Variants in CWC27 observed in about 807,000 individuals in gnomAD.
CWC27 encodes CWC27 spliceosome associated cyclophilin.
In CWC27, 47 loss-of-function variants were observed where a neutral mutation model predicts 63.6. The observed-to-expected ratio is 0.74, with a 90% confidence interval of 0.58 to 0.94. The LOEUF (loss-of-function observed/expected upper bound fraction) is 0.94. Ranked by LOEUF, CWC27 falls within the 40% of genes least tolerant of loss-of-function variation. CWC27 has a pLI of 0.00. For missense variants in CWC27, 495 were observed against 554.3 expected (o/e 0.89, Z 1.07); for synonymous variants, 175 against 179.8 (o/e 0.97, Z 0.22).
chr5:64,840,582 C>T (rs1745806514), intron 10 of CWC27, among the ~76,000 whole-genome samples: 2 of 150,932 alleles, frequency 1.3e-5, no homozygotes, highest in African/African-American at 4.9e-5. Flanking sequence ...GTATGTACCA[C>T]ATAAATGCAA....
intron 11 of CWC27, among the ~76,000 whole-genome samples, chr5:64,969,793 A>G (rs906196419): frequency 6.6e-6 from 1 of 152,206 alleles, no homozygotes; most frequent in South Asian, 2.1e-4. Flanking sequence ...CAAAGGAGAG[A>G]CATCTAAACC....
In CWC27 at chr5:64,788,924, T is replaced by C. The variant is rs1341654837; in HGVS notation, c.600-27T>C. 10 of 1,493,586 alleles carry C rather than the reference T, an allele frequency of 6.7e-6. No homozygotes were observed. The South Asian group carries it at 1.1e-4, about 16-fold the overall frequency. The allele number at this position is 1,493,586 out of a possible 1,614,324, so 92.5% of individuals were successfully genotyped here. A position where few individuals can be genotyped will look rare whatever the true frequency, so the allele number is the denominator to read the frequency against. ...TTTGATTTGACTTTCTCTTTCTTTT[T>C]TTTTTTCTTTCTTTTTTTTGGACTA... On this transcript the variant is annotated intron_variant, in intron 6 of 13. Transcript: ENST00000381070.
chr5:64,829,718 C>T (rs184679698), intron 10 of CWC27, among the ~76,000 whole-genome samples: 11 of 144,802 alleles, frequency 7.6e-5, no homozygotes, highest in African/African-American at 2.8e-4. Context: ...TAGGTATACA[C>T]GTGTCATGGT....
At chr5:64,881,740 C>G (rs1746939038) in intron 10 of CWC27, among the ~76,000 whole-genome samples, 1 of 152,134 alleles carries the variant, frequency 6.6e-6, no homozygotes, top group Non-Finnish European at 1.5e-5. Flanking sequence ...TCTACTCCCT[C>G]TACAATAGTA....
intron 10 of CWC27, among the ~76,000 whole-genome samples, chr5:64,831,023 A>G (rs912781023): frequency 6.6e-6 from 1 of 152,010 alleles, no homozygotes; most frequent in African/African-American, 2.4e-5. Context: ...TGTCTATTAT[A>G]TTATGTTATG....
intron 9 of CWC27, among the ~76,000 whole-genome samples, chr5:64,801,545 C>G (rs945544248): frequency 4.0e-5 from 6 of 151,762 alleles, no homozygotes; most frequent in African/African-American, 1.5e-4. Context: ...GTATATCTCT[C>G]TACAACATTA....
chr5:64,971,790 A>T lies in CWC27; in HGVS notation c.1130A>T (p.Lys377Met). The change falls in exon 12 of 14, where the codon AAG (lysine) becomes ATG (methionine). Residue 377 changes from lysine to methionine, a missense_variant. Physicochemically the swap from Lys to Met is moderately conservative, Grantham distance 95. Around this residue, in one of 3 missense-constraint regions of CWC27, gnomAD observed 463 missense variants for 498.1 expected, o/e 0.93. Transcript: ENST00000381070. ...GCTTTGAGGAAGCAACAGTCAAAGA[A>T]GGGAACTTCCCGGGAAGATCAGGTA... ...YEALRKQQSKKGTSREDQTLA... is the reference protein window; with the variant it reads ...YEALRKQQSKMGTSREDQTLA... The T allele has an allele frequency of 6.2e-7, 1 of 1,610,566 alleles. No individual in the cohort carries two copies. Among genetic ancestry groups the T allele is most frequent in the Middle Eastern group, 1.7e-4 (1 of 6,054 alleles).
intron 10 of CWC27, among the ~76,000 whole-genome samples, chr5:64,805,732 T>A (rs1369450358): frequency 6.6e-6 from 1 of 152,092 alleles, no homozygotes; most frequent in African/African-American, 2.4e-5. Flanking sequence ...ATATAAACTA[T>A]AATTTAGCAA....
chr5:65,004,084 A>G (rs1228559249), intron 13 of CWC27, among the ~76,000 whole-genome samples: 5 of 152,068 alleles, frequency 3.3e-5, no homozygotes, highest in African/African-American at 4.8e-5. Flanking sequence ...GTCTCAAGTG[A>G]TCTGCCTGCC....
chr5:64,771,817 T>C (rs1743266270), intron 1 of CWC27, among the ~76,000 whole-genome samples: 1 of 152,210 alleles, frequency 6.6e-6, no homozygotes, highest in South Asian at 2.1e-4. Flanking sequence ...AGGAGCCATA[T>C]ACCTTCTTTA....
intron 10 of CWC27, among the ~76,000 whole-genome samples, chr5:64,862,149 C>T (rs1389095669): frequency 6.6e-6 from 1 of 150,728 alleles, no homozygotes; most frequent in Non-Finnish European, 1.5e-5. Context: ...ATCAGCAAAC[C>T]CACGGAATGT....
intron 11 of CWC27, among the ~76,000 whole-genome samples, chr5:64,936,978 A>G (rs2112409346): frequency 6.6e-6 from 1 of 151,566 alleles, no homozygotes; most frequent in East Asian, 1.9e-4. Flanking sequence ...TGTCTATTTG[A>G]TTCTTCTCTT....
chr5:64,848,959 T>C (rs1194313331), intron 10 of CWC27, among the ~76,000 whole-genome samples: 1 of 152,150 alleles, frequency 6.6e-6, no homozygotes, highest in African/African-American at 2.4e-5. Flanking sequence ...ACCACTTCTA[T>C]TCAGATAGCA....
intron 13 of CWC27, among the ~76,000 whole-genome samples, chr5:64,983,853 A>G (rs893248583): frequency 1.3e-5 from 2 of 151,944 alleles, no homozygotes; most frequent in Non-Finnish European, 2.9e-5. Context: ...TTGTTGTTAC[A>G]GAGTTTTGCT....
chr5:64,778,332 C>T (rs1025516479), intron 2 of CWC27, among the ~76,000 whole-genome samples: 3 of 151,952 alleles, frequency 2.0e-5, no homozygotes, highest in Non-Finnish European at 4.4e-5. Flanking sequence ...TCTCACTCCC[C>T]CTCTCTCTCC....
At chr5:64,973,718 T>C (rs1749169402) in intron 12 of CWC27, among the ~76,000 whole-genome samples, 1 of 152,196 alleles carries the variant, frequency 6.6e-6, no homozygotes, top group African/African-American at 2.4e-5. Flanking sequence ...AGAGGATGTT[T>C]TTTGTTTGCC....
intron 10 of CWC27, chr5:64,808,356 G>T: frequency 1.0e-6 from 1 of 986,942 alleles, no homozygotes; most frequent in Non-Finnish European, 1.2e-6. Context: ...TGACTCCTTA[G>T]TGCAAACCTA....
intron 10 of CWC27, among the ~76,000 whole-genome samples, chr5:64,805,088 T>C (rs1046424765): frequency 1.6e-4 from 25 of 151,984 alleles, no homozygotes; most frequent in Admixed American, 7.9e-4. Context: ...TTGGGGATAA[T>C]ATGAATGTAA....
chr5:64,920,114 C>G (rs190856651), intron 11 of CWC27, among the ~76,000 whole-genome samples: 2 of 151,926 alleles, frequency 1.3e-5, no homozygotes, highest in Non-Finnish European at 2.9e-5. Flanking sequence ...TACAGGCACC[C>G]GCCATCATGC....
Sources: allele counts gnomAD v4.1 joint callset (sites outside exome capture counted in the v4.1 genomes callset), GRCh38; gene constraint gnomAD v4.1.1; regional missense constraint gnomAD v4.1.1; transcripts MANE v1.5; gene names NCBI Gene and HGNC (gene_info 2026-07-23, HGNC 2026-07-21).